Variants in PPP6R3 observed in about 807,000 individuals in gnomAD.
The protein encoded by PPP6R3 is protein phosphatase 6 regulatory subunit 3.
In PPP6R3, 38 loss-of-function variants were observed where a neutral mutation model predicts 110.7. The observed-to-expected ratio is 0.34, with a 90% CI of 0.26 to 0.45. The LOEUF (loss-of-function observed/expected upper bound fraction) is 0.45, where lower values mean the gene tolerates loss of function less well. Ranked by LOEUF, PPP6R3 falls within the 20% of genes least tolerant of loss-of-function variation. The pLI is 1.00. For missense variants in PPP6R3, 870 were observed against 1,062.4 expected, an observed-to-expected ratio of 0.82 and a Z score of 2.52; for synonymous variants, 369 against 373.5, an observed-to-expected ratio of 0.99 and a Z score of 0.14.
chr11:68,507,740 TGC>T (rs1185576938), intron 1 of PPP6R3, among the ~76,000 whole-genome samples: 1 of 152,238 alleles, frequency 6.6e-6, no homozygotes, highest in Admixed American at 6.5e-5. Flanking sequence ...TAGTGTTTCT[TGC>T]TTTTGTGTAT....
intron 8 of PPP6R3, among the ~76,000 whole-genome samples, chr11:68,561,184 G>A (rs1296140819): frequency 6.6e-6 from 1 of 152,142 alleles, no homozygotes; most frequent in Non-Finnish European, 1.5e-5. Context: ...ACCACGCCCG[G>A]CCACTTATAC....
At chr11:68,466,752 A>T (rs1202376788) in intron 1 of PPP6R3, among the ~76,000 whole-genome samples, 1 of 152,174 alleles carries the variant, frequency 6.6e-6, no homozygotes, top group Non-Finnish European at 1.5e-5. Context: ...AGCTGGGACT[A>T]CAGGTGCCTG....
chr11:68,534,205 A>G (rs1217669484), intron 2 of PPP6R3, among the ~76,000 whole-genome samples: 1 of 152,148 alleles, frequency 6.6e-6, no homozygotes, highest in East Asian at 1.9e-4. Flanking sequence ...TGTGGGGTAG[A>G]CGTTGGGTGG....
chr11:68,510,398 C>G (rs973254900), intron 1 of PPP6R3, among the ~76,000 whole-genome samples: 2 of 151,588 alleles, frequency 1.3e-5, no homozygotes, highest in Admixed American at 6.6e-5. Flanking sequence ...AGTGCTGTGG[C>G]GCGACACAGT....
chr11:68,462,074 C>G (rs950071906), intron 1 of PPP6R3, among the ~76,000 whole-genome samples: 26 of 152,106 alleles, frequency 1.7e-4, no homozygotes, highest in African/African-American at 6.3e-4. Context: ...GTGTCCCAGC[C>G]ATAAGTTTGT....
At chr11:68,488,419 C>T (rs1224202808) in intron 1 of PPP6R3, among the ~76,000 whole-genome samples, 1 of 152,186 alleles carries the variant, frequency 6.6e-6, no homozygotes, top group East Asian at 1.9e-4. Context: ...AGCAGTCCTC[C>T]TATCTCGGCC....
At chr11:68,481,303 C>G (rs1229815442) in intron 1 of PPP6R3, among the ~76,000 whole-genome samples, 1 of 152,174 alleles carries the variant, frequency 6.6e-6, no homozygotes. Context: ...CAGTTCTGGT[C>G]CTGTCTCTGC....
chr11:68,493,972 G>A (rs1283487543), intron 1 of PPP6R3, among the ~76,000 whole-genome samples: 4 of 151,142 alleles, frequency 2.6e-5, no homozygotes, highest in Admixed American at 6.6e-5. Context: ...GCGTGGTGGC[G>A]GGAGCCTGTA....
intron 1 of PPP6R3, among the ~76,000 whole-genome samples, chr11:68,461,432 C>G (rs916344193): frequency 6.9e-6 from 1 of 144,488 alleles, no homozygotes; most frequent in African/African-American, 2.5e-5. Flanking sequence ...CTTTTTAACT[C>G]CTGTGAGGTG....
At chr11:68,461,828 T>C (rs1055717195) in intron 1 of PPP6R3, among the ~76,000 whole-genome samples, 11 of 152,150 alleles carry the variant, frequency 7.2e-5, no homozygotes, top group African/African-American at 2.7e-4. Flanking sequence ...CGTGGGACGT[T>C]TACTTTGATT....
chr11:68,614,889 G>C lies in PPP6R3; in HGVS notation c.*1772G>C. 1.2e-6 allele frequency: 1 copy of C among 843,948 alleles called. No individual in the cohort carries two copies. The highest frequency in any genetic ancestry group is 1.4e-5 in the South Asian group (1 of 70,004). 52.3% of individuals were successfully genotyped at this position (843,948 alleles called of 1,614,324 possible). A position where few individuals can be genotyped will look rare whatever the true frequency, so the allele number is the denominator to read the frequency against. On this transcript the variant is annotated 3_prime_UTR_variant, in exon 24 of 24. Coordinates refer to ENST00000393800, the MANE Select transcript of PPP6R3 (RefSeq NM_001164161.2). Reference sequence around the variant, plus strand: ...GGATTACTGGTAGATAATATGCTCTGGTCTCGCCTGGTGGTGAGTTTTGCC... The same window carrying C: ...GGATTACTGGTAGATAATATGCTCTCGTCTCGCCTGGTGGTGAGTTTTGCC...
chr11:68,603,861 G>T lies in PPP6R3; in HGVS notation c.2450+369G>T, dbSNP rs540539148. 2.0e-5 allele frequency among the ~76,000 whole-genome samples: 3 copies of T among 152,232 alleles called. No individual in the cohort carries two copies. In the South Asian group the frequency reaches 6.2e-4, roughly 32 times the overall value. The stretch of plus-strand genomic sequence containing the variant: ...TTACAAAAACCTTTACTTATTTTCA[G>T]TAACATACAGATGATTATCTCAGGA... On this transcript the variant is annotated intron_variant, in intron 22 of 23. Coordinates refer to ENST00000393800, the MANE Select transcript of PPP6R3 (RefSeq NM_001164161.2).
intron 2 of PPP6R3, among the ~76,000 whole-genome samples, chr11:68,529,074 C>A (rs1050544438): frequency 8.5e-5 from 13 of 152,202 alleles, no homozygotes; most frequent in African/African-American, 2.9e-4. Flanking sequence ...AGTGAGAATT[C>A]TAGTTTTTTG....
chr11:68,533,402 C>T (rs1243307220), intron 2 of PPP6R3, among the ~76,000 whole-genome samples: 4 of 151,910 alleles, frequency 2.6e-5, no homozygotes, highest in African/African-American at 7.3e-5. Context: ...ATTCTAACTC[C>T]GAATAGTGGG....
intron 1 of PPP6R3, among the ~76,000 whole-genome samples, chr11:68,504,940 T>C (rs1286630135): frequency 6.6e-6 from 1 of 152,238 alleles, no homozygotes; most frequent in African/African-American, 2.4e-5. Context: ...TGTACAACTT[T>C]ACAGCCTCTG....
Position 68,485,454 on chromosome 11 carries a change from G to A in PPP6R3, c.-158+24627G>A, listed in dbSNP as rs182644325. 6.4e-4 allele frequency among the ~76,000 whole-genome samples: 98 copies of A among 152,118 alleles called. 2 individuals carry two copies. Among genetic ancestry groups the A allele is most frequent in the Admixed American group, 5.8e-3 (88 of 15,286 alleles). On this transcript the variant is annotated intron_variant, in intron 1 of 23. Transcript: ENST00000393800. ...ATGATGAGAGGGAACATCTTTGCCC[G>A]CTTCCTGATCTTAGTGGGAAAGCTT...
chr11:68,548,703 A>G lies in PPP6R3; in HGVS notation c.552+499A>G, dbSNP rs543654749. On this transcript the variant is annotated intron_variant, in intron 5 of 23. Transcript: ENST00000393800. Reference sequence around the variant, plus strand: ...TACAGAGGAGCAAAGGATAAGGAGAACAGAGTTTACTTTGAGAAGGACATA... The same window carrying G: ...TACAGAGGAGCAAAGGATAAGGAGAGCAGAGTTTACTTTGAGAAGGACATA... Among the ~76,000 whole-genome samples the G allele has an allele frequency of 5.9e-5, 9 of 152,286 alleles. No homozygotes were observed. In the South Asian group the frequency reaches 1.9e-3, roughly 32 times the overall value.
intron 1 of PPP6R3, among the ~76,000 whole-genome samples, chr11:68,481,415 ACG>A: frequency 6.6e-6 from 1 of 152,212 alleles, no homozygotes; most frequent in South Asian, 2.1e-4. Context: ...TGCCTTGAAT[ACG>A]ATCTTAGTGA....
chr11:68,477,740 AAATATAT>A (rs1283903180), intron 1 of PPP6R3, among the ~76,000 whole-genome samples: 16 of 70,638 alleles, frequency 2.3e-4, no homozygotes, highest in African/African-American at 6.3e-4. Context: ...AAAAAAAAAA[AAATATAT>A]ATATATATAT....
Sources: gnomAD v4.1 joint callset for allele counts (sites outside exome capture counted in the v4.1 genomes callset) on GRCh38, gnomAD v4.1.1 for gene constraint, MANE v1.5 for transcripts, NCBI Gene and HGNC (gene_info 2026-07-23, HGNC 2026-07-21) for gene names.